The following CEP72 variants were observed in gnomAD, a reference collection of about 807,000 sequenced individuals.
CEP72 encodes centrosomal protein 72, also known as centrosomal protein of 72 kDa.
In CEP72, 78 loss-of-function variants were observed where a neutral mutation model predicts 65.7. The observed-to-expected ratio is 1.19, with a 90% confidence interval of 0.99 to 1.43. The LOEUF (loss-of-function observed/expected upper bound fraction) is 1.43, where lower values mean the gene tolerates loss of function less well. Ranked by LOEUF, CEP72 falls within the 40% of genes most tolerant of loss-of-function variation. The probability of loss-of-function intolerance (pLI) is 0.00; values close to 1 mark genes in which losing one functional copy is unlikely to be tolerated. For synonymous variants in CEP72, 358 were observed against 351.7 expected (o/e 1.02, Z -0.20); for missense variants, 914 against 832.9 (o/e 1.10, Z -1.20).
intron 11 of CEP72, among the ~76,000 whole-genome samples, chr5:649,517 T>TG (rs772867271): frequency 3.3e-5 from 2 of 61,120 alleles, no homozygotes; most frequent in African/African-American, 6.4e-5. Flanking sequence ...CTGTGAGGTG[T>TG]GACTGTGAGG....
At chr5:658,729 C>T (rs1697961), downstream of CEP72, among the ~76,000 whole-genome samples, 35,246 of 126,094 alleles carry the variant, frequency 0.28, 4,599 homozygotes, top group East Asian at 0.48. Flanking sequence ...AGTGCAGTGG[C>T]GTGATCTCGG....
rs374587043 is a variant in CEP72 at position 652,968 on chromosome 5, G to T, written c.1779-20G>T. 2.5e-6 allele frequency: 4 copies of T among 1,586,274 alleles called. No homozygotes were observed. In the Admixed American group the frequency reaches 7.1e-5, roughly 28 times the overall value. ...GAGAGGACGGAAGTGCCAAGCAGCC[G>T]CTTCCCTGTTGTTCTGCAGCTCCCT... is the stretch of plus-strand genomic sequence containing the variant. On this transcript the variant is annotated intron_variant, in intron 11 of 11. Transcript: ENST00000264935.
Position 633,630 on chromosome 5 carries a change from C to G in CEP72, c.513-139C>G. 4.0e-6 allele frequency: 3 copies of G among 757,718 alleles called. No homozygotes were observed. The South Asian group carries it at 5.0e-5, about 13-fold the overall frequency. 46.9% of individuals were successfully genotyped at this position (757,718 alleles called of 1,614,324 possible). On this transcript the variant is annotated intron_variant, in intron 4 of 11. Coordinates refer to ENST00000264935, the MANE Select transcript of CEP72 (RefSeq NM_018140.4). Reference sequence around the variant, plus strand: ...CTCTTTAGCATCACTGCAGTGGAAGCAACAGGACCCGGCTGCCCCACGTTT... The same window carrying G: ...CTCTTTAGCATCACTGCAGTGGAAGGAACAGGACCCGGCTGCCCCACGTTT...
rs773193479 is a variant in CEP72 at position 624,599 on chromosome 5, G to A, written c.512+20G>A. On this transcript the variant is annotated intron_variant, in intron 4 of 11. Coordinates refer to ENST00000264935, the MANE Select transcript of CEP72 (RefSeq NM_018140.4). This position sits in a 1 kb window ranked among gnomAD's most constrained non-coding sequence, Gnocchi z 4.7. The stretch of plus-strand genomic sequence containing the variant: ...GGGCAGGTATGAACGGAAGTGCTAC[G>A]GACACCCAGAGTGTTTCTGACTGGC... 14 of 1,523,932 alleles carry A rather than the reference G, an allele frequency of 9.2e-6. No individual in the cohort carries two copies. Among genetic ancestry groups the A allele is most frequent in the Admixed American group, 6.7e-5 (4 of 59,892 alleles). 94.4% of individuals were successfully genotyped at this position (1,523,932 alleles called of 1,614,324 possible). A position where few individuals can be genotyped will look rare whatever the true frequency, so the allele number is the denominator to read the frequency against.
At chr5:665,577 C>G (rs1170185977) in intron 3 of CEP72, among the ~76,000 whole-genome samples, 1 of 151,442 alleles carries the variant, frequency 6.6e-6, no homozygotes, top group Non-Finnish European at 1.5e-5. Context: ...AAGGGGCTGT[C>G]AGAACAGCCA....
chr5:668,585 G>A (rs1740052220), downstream of CEP72, among the ~76,000 whole-genome samples: 1 of 152,254 alleles, frequency 6.6e-6, no homozygotes, highest in South Asian at 2.1e-4. Flanking sequence ...AGCAGGCCGC[G>A]GGGTGGGGGC....
In CEP72 at chr5:653,204, T is replaced by G; in HGVS notation, c.*51T>G. 1 of 1,499,992 alleles carries G rather than the reference T, an allele frequency of 6.7e-7. No homozygotes were observed. The highest frequency in any genetic ancestry group is 8.9e-7 in the Non-Finnish European group (1 of 1,123,258). 92.9% of individuals were successfully genotyped at this position (1,499,992 alleles called of 1,614,324 possible). On this transcript the variant is annotated 3_prime_UTR_variant, in exon 12 of 12. Transcript: ENST00000264935. ...CTTAAGCTTCCTGGTAAAGTTACATTGTCTGCACCTTTGTACTTCTTTATT... is the reference window on the plus strand; with the variant it reads ...CTTAAGCTTCCTGGTAAAGTTACATGGTCTGCACCTTTGTACTTCTTTATT...
rs1297025123 is a variant in CEP72 at position 618,973 on chromosome 5, A to T, written c.83-17A>T. The T allele has an allele frequency of 2.5e-6, 4 of 1,584,652 alleles. No homozygotes were observed. Among genetic ancestry groups the T allele is most frequent in the Middle Eastern group, 1.7e-4 (1 of 5,998 alleles). ...TCAAAATAAAAGATTAAAATCTTAC[A>T]ATTTTTCTATTCTTAGCTGAGCTTC... On this transcript the variant is annotated splice_polypyrimidine_tract_variant and intron_variant, in intron 1 of 11. Transcript: ENST00000264935.
At chr5:648,339 GGT>G (rs1249276316) in intron 11 of CEP72, among the ~76,000 whole-genome samples, 1 of 133,708 alleles carries the variant, frequency 7.5e-6, no homozygotes, top group Non-Finnish European at 1.6e-5. Context: ...TGGACTGTGA[GGT>G]GTGACTGTGA....
intron 10 of CEP72, among the ~76,000 whole-genome samples, chr5:646,424 A>G (rs1738428990): frequency 6.6e-6 from 1 of 152,116 alleles, no homozygotes; most frequent in African/African-American, 2.4e-5. Context: ...TTTTACATGA[A>G]AATTGTGCTT....
At chr5:654,784 G>C (rs919963652), downstream of CEP72, among the ~76,000 whole-genome samples, 11 of 152,176 alleles carry the variant, frequency 7.2e-5, no homozygotes, top group East Asian at 2.1e-3. Flanking sequence ...CACCAGATTT[G>C]GCAAAGTTGC....
intron 9 of CEP72, chr5:642,152 G>A: frequency 1.1e-6 from 1 of 903,086 alleles, no homozygotes; most frequent in East Asian, 1.4e-4. Flanking sequence ...TTGAACACAC[G>A]TGGTCCCCCG....
chr5:650,458 CGTGGACTGTGAGGTGTGACTGTGAGGT>C (rs1561064691), intron 11 of CEP72, among the ~76,000 whole-genome samples: 373 of 23,640 alleles, frequency 0.016, no homozygotes, highest in Middle Eastern at 0.062. Flanking sequence ...GACTGTGAGG[CGTGGACTGTGAGGTGTGACTGTGAGGT>C]GTGGACTGTG....
chr5:661,451 G>GGT, downstream of CEP72: 1 of 152,194 alleles, frequency 6.6e-6, no homozygotes, highest in East Asian at 1.9e-4. Flanking sequence ...CCTGTGTCCT[G>GGT]GTGTCACCCC....
At chr5:632,817 AG>A (rs1737286346) in intron 4 of CEP72, among the ~76,000 whole-genome samples, 1 of 59,864 alleles carries the variant, frequency 1.7e-5, no homozygotes, top group African/African-American at 8.1e-5. Flanking sequence ...GATTTGGCCC[AG>A]TCCTGGTGGG....
intron 7 of CEP72, 136 bp downstream of exon 7, chr5:637,954 G>A (rs956769427): frequency 5.3e-5 from 47 of 884,798 alleles, no homozygotes; most frequent in Non-Finnish European, 2.8e-5. Flanking sequence ...TTACGGCGGT[G>A]CCGTGATTAC....
downstream of CEP72, chr5:655,320 C>G (rs1285790893): frequency 1.3e-5 from 2 of 151,942 alleles, no homozygotes; most frequent in African/African-American, 4.8e-5. This position sits in a 1 kb window ranked among gnomAD's most constrained non-coding sequence, Gnocchi z 5.0. Context: ...GATTGCAGCA[C>G]TGCACTCCAG....
In CEP72 at chr5:635,592, C is replaced by G; in HGVS notation, c.904+8C>G. On this transcript the variant is annotated splice_region_variant and intron_variant, in intron 6 of 11. Coordinates refer to ENST00000264935, the MANE Select transcript of CEP72 (RefSeq NM_018140.4). ...ACTTCACCCCACACCCAGGTACTTA[C>G]GCGTGTCTTAGTCTGTTTTCTGTTG... 2 of 1,586,654 alleles carry G rather than the reference C, an allele frequency of 1.3e-6. No individual in the cohort carries two copies. Among genetic ancestry groups the G allele is most frequent in the Non-Finnish European group, 1.7e-6 (2 of 1,158,756 alleles).
chr5:650,232 C>A (rs1446694050), intron 11 of CEP72, among the ~76,000 whole-genome samples: 1 of 85,694 alleles, frequency 1.2e-5, no homozygotes, highest in South Asian at 3.9e-4. Context: ...GAGGCGTGGA[C>A]TGTGAGGCGT....
Sources: allele counts gnomAD v4.1 joint callset (sites outside exome capture counted in the v4.1 genomes callset), GRCh38; gene constraint gnomAD v4.1.1; non-coding constraint Gnocchi (gnomAD v3.1); transcripts MANE v1.5; gene names NCBI Gene and HGNC (gene_info 2026-07-23, HGNC 2026-07-21).